Variants in LSAMP observed in about 807,000 individuals in gnomAD.
The protein encoded by LSAMP is limbic system associated membrane protein, also known as limbic system-associated membrane protein.
A neutral mutation model predicts 38.6 loss-of-function variants in LSAMP; 7 were observed. The observed-to-expected ratio is 0.18, with a 90% CI of 0.10 to 0.34. LSAMP has a LOEUF of 0.34. LSAMP is among the 10% of genes least tolerant of loss of function. The pLI is 1.00. For synonymous variants in LSAMP, 154 were observed against 166.8 expected, an observed-to-expected ratio of 0.92 and a Z score of 0.59; for missense variants, 313 against 420.0, an observed-to-expected ratio of 0.75 and a Z score of 2.23.
chr3:115,957,741 C>G (rs1938496547), intron 3 of LSAMP, among the ~76,000 whole-genome samples: 1 of 152,170 alleles, frequency 6.6e-6, no homozygotes. Context: ...TTAGTGTATA[C>G]AGCAAGACCA....
intron 3 of LSAMP, among the ~76,000 whole-genome samples, chr3:115,923,348 T>C (rs1290164873): frequency 6.6e-6 from 1 of 152,222 alleles, no homozygotes; most frequent in Non-Finnish European, 1.5e-5. Context: ...GGCTGATGCA[T>C]ATAAAATGAA....
intron 2 of LSAMP, among the ~76,000 whole-genome samples, chr3:116,040,780 T>A (rs1358743953): frequency 6.6e-6 from 1 of 152,136 alleles, no homozygotes; most frequent in African/African-American, 2.4e-5. Flanking sequence ...GACAGGGTCT[T>A]ACTCTGCTGC....
chr3:115,989,607 G>T (rs1403658335), intron 3 of LSAMP, among the ~76,000 whole-genome samples: 1 of 152,052 alleles, frequency 6.6e-6, no homozygotes, highest in Non-Finnish European at 1.5e-5. Flanking sequence ...GCTTGACTCT[G>T]TGTTAGACTT....
At chr3:116,436,499 T>A (rs766163821) in intron 1 of LSAMP, among the ~76,000 whole-genome samples, 6 of 151,646 alleles carry the variant, frequency 4.0e-5, no homozygotes, top group Non-Finnish European at 5.9e-5. Flanking sequence ...AACAAATCAG[T>A]AAGAAAAAAT....
At chr3:116,207,394 G>A (rs1270379610) in intron 1 of LSAMP, among the ~76,000 whole-genome samples, 5 of 151,562 alleles carry the variant, frequency 3.3e-5, no homozygotes, top group Admixed American at 2.6e-4. Flanking sequence ...GGAGCATTTA[G>A]TCCATTTACA....
At position 116,426,869 on chromosome 3, in the gene LSAMP, A is replaced by G. The variant is rs1328780647; in HGVS notation, c.155+18008T>C. 4.7e-5 allele frequency among the ~76,000 whole-genome samples: 7 copies of G among 149,528 alleles called. No homozygotes were observed. In the East Asian group the frequency reaches 1.4e-3, roughly 30 times the overall value. On this transcript the variant is annotated intron_variant, in intron 1 of 6. Transcript: ENST00000490035. ...GACTATAGTATGGGGGAGTGTAATT[A>G]TTATTATTAATACTAATCTGCCTCA...
chr3:116,214,560 G>A (rs2046198302), intron 1 of LSAMP, among the ~76,000 whole-genome samples: 1 of 143,782 alleles, frequency 7.0e-6, no homozygotes, highest in African/African-American at 2.6e-5. Context: ...CTGGAGAGCA[G>A]TGGTGCAATC....
chr3:116,208,754 T>C (rs2046106576), intron 1 of LSAMP, among the ~76,000 whole-genome samples: 2 of 152,222 alleles, frequency 1.3e-5, no homozygotes, highest in Non-Finnish European at 2.9e-5. Flanking sequence ...GGCTGTCTGC[T>C]GTTCTCAGAT....
chr3:115,977,836 G>A (rs1270288388), intron 3 of LSAMP, among the ~76,000 whole-genome samples: 1 of 151,568 alleles, frequency 6.6e-6, no homozygotes, highest in Non-Finnish European at 1.5e-5. Context: ...TTTGAAGGAA[G>A]GAAAGAAGGC....
chr3:116,273,551 C>T (rs766181446), intron 1 of LSAMP, among the ~76,000 whole-genome samples: 130 of 151,010 alleles, frequency 8.6e-4, no homozygotes, highest in Admixed American at 1.7e-3. Flanking sequence ...TTACTGCTCT[C>T]TTGGAGTAAT....
intron 1 of LSAMP, among the ~76,000 whole-genome samples, chr3:116,306,810 G>A (rs113320572): frequency 6.6e-6 from 1 of 152,006 alleles, no homozygotes; most frequent in Non-Finnish European, 1.5e-5. Flanking sequence ...CAGCAATAAA[G>A]GGGTATAACT....
At chr3:116,415,860 A>G (rs1423286074) in intron 1 of LSAMP, among the ~76,000 whole-genome samples, 1 of 152,120 alleles carries the variant, frequency 6.6e-6, no homozygotes, top group Admixed American at 6.6e-5. Context: ...TGCCAAGGGG[A>G]AGGCCAGCAG....
intron 1 of LSAMP, among the ~76,000 whole-genome samples, chr3:116,417,859 GCCTAGGT>G (rs1227369482): frequency 6.6e-6 from 1 of 152,112 alleles, no homozygotes; most frequent in East Asian, 1.9e-4. Flanking sequence ...AAGTATCAGT[GCCTAGGT>G]CCTGTAGGTC....
intron 1 of LSAMP, among the ~76,000 whole-genome samples, chr3:116,171,166 T>G (rs1710189024): frequency 6.6e-6 from 1 of 152,150 alleles, no homozygotes; most frequent in Admixed American, 6.6e-5. Context: ...CATTGGATTG[T>G]TGTGATGATT....
At chr3:116,316,904 A>G (rs966858977) in intron 1 of LSAMP, among the ~76,000 whole-genome samples, 2 of 152,112 alleles carry the variant, frequency 1.3e-5, no homozygotes, top group African/African-American at 4.8e-5. Flanking sequence ...AAAAGAGGTC[A>G]CTCAATTTGG....
chr3:116,086,259 T>C (rs1707985896), intron 2 of LSAMP, 65 bp downstream of exon 2: 1 of 1,207,062 alleles, frequency 8.3e-7, no homozygotes, highest in Non-Finnish European at 1.2e-6. Flanking sequence ...GCAAATATTT[T>C]GTACATTATT....
intron 3 of LSAMP, among the ~76,000 whole-genome samples, chr3:116,010,099 T>G (rs1046169353): frequency 2.6e-5 from 4 of 152,082 alleles, no homozygotes; most frequent in African/African-American, 7.2e-5. Context: ...GTACTTTTAG[T>G]AGAGATGGGG....
chr3:116,266,864 C>A (rs763345392), intron 1 of LSAMP, among the ~76,000 whole-genome samples: 22 of 152,096 alleles, frequency 1.4e-4, no homozygotes. Context: ...AAAAACACAG[C>A]AACACTAATA....
At chr3:116,272,354 TTC>T (rs1307539827) in intron 1 of LSAMP, among the ~76,000 whole-genome samples, 2 of 152,060 alleles carry the variant, frequency 1.3e-5, no homozygotes, top group African/African-American at 4.8e-5. Flanking sequence ...TGAGTTGGTG[TTC>T]TGTCACTGGG....
Sources: allele counts gnomAD v4.1 joint callset (sites outside exome capture counted in the v4.1 genomes callset), GRCh38; gene constraint gnomAD v4.1.1; transcripts MANE v1.5; gene names NCBI Gene and HGNC (gene_info 2026-07-23, HGNC 2026-07-21).